The following BCL2L1 variants were observed in gnomAD, a reference collection of about 807,000 sequenced individuals.
BCL2L1 encodes the protein BCL2 like 1, also known as bcl-2-like protein 1.
In BCL2L1, 1 loss-of-function variant was observed where a neutral mutation model predicts 18.7. The ratio of observed to expected loss-of-function variants is 0.05; its 90% CI spans 0.02 to 0.25. BCL2L1 has a LOEUF of 0.25. BCL2L1 is among the 10% of genes least tolerant of loss of function. BCL2L1 has a pLI of 1.00. For synonymous variants in BCL2L1, 103 were observed against 122.7 expected (o/e 0.84, Z 1.06); for missense variants, 207 against 304.9 (o/e 0.68, Z 2.39).
intron 2 of BCL2L1, chr20:31,720,244 G>T: frequency 1.3e-6 from 1 of 782,676 alleles, no homozygotes; most frequent in Non-Finnish European, 1.5e-6. Flanking sequence ...GGGTTCCAGG[G>T]CAAACTCAGG....
chr20:31,701,849 T>C (rs1238173898), intron 2 of BCL2L1, among the ~76,000 whole-genome samples: 1 of 152,248 alleles, frequency 6.6e-6, no homozygotes, highest in African/African-American at 2.4e-5. Flanking sequence ...ATTTGTTTAA[T>C]AATTTATTCA....
chr20:31,681,372 G>GGT (rs762633212), intron 2 of BCL2L1, among the ~76,000 whole-genome samples: 5 of 152,232 alleles, frequency 3.3e-5, no homozygotes, highest in Admixed American at 1.3e-4. Flanking sequence ...GGCTGGGCCA[G>GGT]GTGTAGCGGC....
intron 2 of BCL2L1, among the ~76,000 whole-genome samples, chr20:31,670,886 A>G (rs961161934): frequency 6.6e-6 from 1 of 152,190 alleles, no homozygotes; most frequent in African/African-American, 2.4e-5. Context: ...GGATAAATAA[A>G]CAGGATTGCA....
intron 2 of BCL2L1, among the ~76,000 whole-genome samples, chr20:31,698,535 C>A (rs1322580558): frequency 6.6e-6 from 1 of 151,796 alleles, no homozygotes; most frequent in African/African-American, 2.4e-5. Flanking sequence ...TGGACCCAGT[C>A]GATTTTCCTT....
intron 2 of BCL2L1, among the ~76,000 whole-genome samples, chr20:31,694,758 G>T (rs2061140097): frequency 6.6e-6 from 1 of 152,120 alleles, no homozygotes; most frequent in Admixed American, 6.5e-5. Context: ...GGAAACTAAG[G>T]CTTGGCAAAG....
chr20:31,692,113 C>A (rs933606699), intron 2 of BCL2L1, among the ~76,000 whole-genome samples: 3 of 152,232 alleles, frequency 2.0e-5, no homozygotes, highest in African/African-American at 7.2e-5. Flanking sequence ...CTGAGGGCCC[C>A]AACCCTGACA....
At chr20:31,710,090 G>A (rs947705069) in intron 2 of BCL2L1, among the ~76,000 whole-genome samples, 7 of 152,148 alleles carry the variant, frequency 4.6e-5, no homozygotes, top group Non-Finnish European at 1.0e-4. Flanking sequence ...ATCAGACACC[G>A]TGTGAGGTGG....
At chr20:31,719,377 T>C (rs920059135) in intron 2 of BCL2L1, among the ~76,000 whole-genome samples, 4 of 152,118 alleles carry the variant, frequency 2.6e-5, no homozygotes, top group African/African-American at 9.7e-5. Context: ...GTCTCCAGGA[T>C]AATTACCCGA....
intron 2 of BCL2L1, chr20:31,720,085 G>C: frequency 1.0e-6 from 1 of 985,236 alleles, no homozygotes; most frequent in Non-Finnish European, 1.2e-6. Context: ...TTCAAGTCTA[G>C]TCAGCTAGCT....
intron 2 of BCL2L1, among the ~76,000 whole-genome samples, chr20:31,708,477 G>GT (rs1371538628): frequency 3.9e-5 from 6 of 152,346 alleles, no homozygotes; most frequent in Admixed American, 3.9e-4. Context: ...TCTAAGCATT[G>GT]TAACTAGGTC....
At chr20:31,723,928 G>A (rs1600334209), upstream of BCL2L1, 5 of 985,350 alleles carry the variant, frequency 5.1e-6, no homozygotes, top group East Asian at 1.1e-4. Flanking sequence ...AAGAGACAGG[G>A]GAACTTGCAA....
chr20:31,702,639 G>T (rs2061297041), intron 2 of BCL2L1, among the ~76,000 whole-genome samples: 1 of 151,080 alleles, frequency 6.6e-6, no homozygotes, highest in South Asian at 2.1e-4. Context: ...TCAGCCTCCT[G>T]AGTAGCTGAG....
chr20:31,679,415 T>C (rs1407373134), intron 2 of BCL2L1, among the ~76,000 whole-genome samples: 1 of 152,158 alleles, frequency 6.6e-6, no homozygotes, highest in Non-Finnish European at 1.5e-5. Flanking sequence ...CAAGGCTTCA[T>C]ACAGGGACAG....
At chr20:31,718,135 A>G (rs530773427) in intron 2 of BCL2L1, among the ~76,000 whole-genome samples, 114 of 152,312 alleles carry the variant, frequency 7.5e-4, no homozygotes, top group African/African-American at 2.6e-3. Context: ...GCTGGCTATC[A>G]TTATTCCATT....
rs577434954 is a variant in BCL2L1 at position 31,707,138 on chromosome 20, C to T, written c.564+14517G>A. On this transcript the variant is annotated intron_variant, in intron 2 of 2. Transcript: ENST00000307677. ...AAACAAAATATGCCCCATTGCCAAA[C>T]GCCTAGTCAACAACACTGGCCAAAC... Among the ~76,000 whole-genome samples the T allele has an allele frequency of 5.9e-5, 9 of 152,304 alleles. No individual in the cohort carries two copies. In the South Asian group the frequency reaches 1.0e-3, roughly 18 times the overall value.
chr20:31,668,958 C>G (rs2060627943), intron 2 of BCL2L1, among the ~76,000 whole-genome samples: 1 of 152,006 alleles, frequency 6.6e-6, no homozygotes. Flanking sequence ...CTTTGAACTC[C>G]TGGACTCAAG....
intron 2 of BCL2L1, among the ~76,000 whole-genome samples, chr20:31,695,442 T>C (rs1229995716): frequency 6.6e-6 from 1 of 152,252 alleles, no homozygotes; most frequent in Admixed American, 6.5e-5. Flanking sequence ...TTAAATATGT[T>C]GGAGAGTCTT....
chr20:31,710,103 TAC>T (rs1459365638), intron 2 of BCL2L1, among the ~76,000 whole-genome samples: 2 of 152,220 alleles, frequency 1.3e-5, no homozygotes, highest in African/African-American at 4.8e-5. Context: ...TGAGGTGGTC[TAC>T]ACAGTCACTT....
intron 2 of BCL2L1, among the ~76,000 whole-genome samples, chr20:31,679,341 A>G (rs1447516940): frequency 1.3e-5 from 2 of 152,144 alleles, no homozygotes; most frequent in African/African-American, 2.4e-5. Context: ...AGCGTCACAG[A>G]GATGTGTGGT....
Sources: gnomAD v4.1 joint callset for allele counts (sites outside exome capture counted in the v4.1 genomes callset) on GRCh38, gnomAD v4.1.1 for gene constraint, MANE v1.5 for transcripts, NCBI Gene and HGNC (gene_info 2026-07-23, HGNC 2026-07-21) for gene names.